The following CAMK2D variants were observed in gnomAD, a reference collection of about 807,000 sequenced individuals.
CAMK2D encodes calcium/calmodulin dependent protein kinase II delta.
In CAMK2D, 37 loss-of-function variants were observed where a neutral mutation model predicts 84.0. The observed-to-expected ratio is 0.44, with a 90% CI of 0.34 to 0.58. The LOEUF is 0.58. Ranked by LOEUF, CAMK2D falls within the 20% of genes least tolerant of loss-of-function variation. The pLI is 0.02. For synonymous variants in CAMK2D, 202 were observed against 212.5 expected (o/e 0.95, Z 0.43); for missense variants, 448 against 652.5 (o/e 0.69, Z 3.41).
chr4:113,613,114 A>C (rs1401697013), intron 3 of CAMK2D, among the ~76,000 whole-genome samples: 1 of 152,132 alleles, frequency 6.6e-6, no homozygotes. Context: ...AGATATAATA[A>C]AACTTATGTT....
intron 2 of CAMK2D, among the ~76,000 whole-genome samples, chr4:113,704,329 A>C (rs1486865724): frequency 1.3e-5 from 2 of 151,978 alleles, no homozygotes; most frequent in Non-Finnish European, 2.9e-5. Context: ...AAGCTATTTG[A>C]TTGTACTGGG....
At chr4:113,718,389 G>A (rs982811992) in intron 2 of CAMK2D, among the ~76,000 whole-genome samples, 4 of 152,126 alleles carry the variant, frequency 2.6e-5, no homozygotes, top group African/African-American at 9.7e-5. Context: ...CAATTCCTGG[G>A]TGGTGGCCAC....
chr4:113,489,003 AAT>A (rs1022144290), intron 16 of CAMK2D, among the ~76,000 whole-genome samples: 3 of 152,190 alleles, frequency 2.0e-5, no homozygotes, highest in African/African-American at 7.2e-5. Flanking sequence ...AAATAGAAGA[AAT>A]ATATAAAAAT....
At chr4:113,731,146 ATC>A (rs1243914488) in intron 2 of CAMK2D, among the ~76,000 whole-genome samples, 2 of 152,200 alleles carry the variant, frequency 1.3e-5, no homozygotes, top group Non-Finnish European at 2.9e-5. Context: ...TCTCCCATAA[ATC>A]TGCTTTCACT....
intron 2 of CAMK2D, among the ~76,000 whole-genome samples, chr4:113,709,251 T>C (rs1018225929): frequency 6.6e-6 from 1 of 152,192 alleles, no homozygotes; most frequent in African/African-American, 2.4e-5. Context: ...CAGAGAAATT[T>C]TACTTGTAAT....
At chr4:113,557,168 C>T (rs2098670698) in intron 4 of CAMK2D, among the ~76,000 whole-genome samples, 1 of 152,130 alleles carries the variant, frequency 6.6e-6, no homozygotes, top group African/African-American at 2.4e-5. Context: ...CTCACATGTA[C>T]CACTGCAATA....
intron 16 of CAMK2D, 134 bp from the exon 17 acceptor site, chr4:113,465,738 C>T (rs1371494057): frequency 9.7e-6 from 6 of 619,862 alleles, no homozygotes; most frequent in Non-Finnish European, 1.7e-5. Context: ...AATCACAGCT[C>T]CCTACAGCCT....
intron 13 of CAMK2D, chr4:113,508,404 G>A: frequency 1.5e-6 from 1 of 656,322 alleles, no homozygotes; most frequent in South Asian, 1.8e-5. Context: ...AAAAGTTCTG[G>A]AAATGCGTTC....
intron 4 of CAMK2D, among the ~76,000 whole-genome samples, chr4:113,581,340 C>T (rs779120494): frequency 4.0e-5 from 6 of 151,784 alleles, no homozygotes; most frequent in Non-Finnish European, 7.4e-5. Context: ...ATGGAGAAAG[C>T]GTGTCTCTAC....
intron 3 of CAMK2D, among the ~76,000 whole-genome samples, chr4:113,627,279 AT>A (rs1470282268): frequency 6.6e-6 from 1 of 152,162 alleles, no homozygotes; most frequent in Non-Finnish European, 1.5e-5. Context: ...TCATTTTTCC[AT>A]TACATTTCAC....
chr4:113,502,995 A>G lies in CAMK2D; in HGVS notation c.1045-18T>C. 8 of 1,583,890 alleles carry G rather than the reference A, an allele frequency of 5.1e-6. No individual in the cohort carries two copies. Among genetic ancestry groups the G allele is most frequent in the Non-Finnish European group, 6.9e-6 (8 of 1,152,500 alleles). On this transcript the variant is annotated intron_variant, in intron 14 of 20. Coordinates refer to ENST00000511664, the MANE Select transcript of CAMK2D (RefSeq NM_001321571.2). ...TGGGGCTCCTGAGTGAGAACAAAAT[A>G]GAGAAAGAAACAGTTCGCATTGGTA...
intron 2 of CAMK2D, among the ~76,000 whole-genome samples, chr4:113,742,298 A>T (rs2099594825): frequency 6.6e-6 from 1 of 152,212 alleles, no homozygotes; most frequent in Middle Eastern, 3.2e-3. Flanking sequence ...ACTTTTCCTT[A>T]TTAGATAAAA....
intron 4 of CAMK2D, among the ~76,000 whole-genome samples, chr4:113,561,432 C>T (rs1351125382): frequency 6.6e-6 from 1 of 152,170 alleles, no homozygotes; most frequent in Non-Finnish European, 1.5e-5. Flanking sequence ...TACGATCACA[C>T]CACTGCACTT....
At chr4:113,699,862 T>A (rs1435833782) in intron 2 of CAMK2D, among the ~76,000 whole-genome samples, 1 of 152,176 alleles carries the variant, frequency 6.6e-6, no homozygotes, top group Non-Finnish European at 1.5e-5. Flanking sequence ...AGTCATTCTT[T>A]TAGAAAACTA....
chr4:113,704,298 C>T (rs1209906439), intron 2 of CAMK2D, among the ~76,000 whole-genome samples: 2 of 151,702 alleles, frequency 1.3e-5, no homozygotes, highest in East Asian at 3.9e-4. Context: ...TTCCTTGTGC[C>T]TACTGAAATG....
chr4:113,644,684 G>A (rs1236564901), intron 3 of CAMK2D, among the ~76,000 whole-genome samples: 1 of 152,206 alleles, frequency 6.6e-6, no homozygotes, highest in Non-Finnish European at 1.5e-5. Flanking sequence ...CCAGAAATCA[G>A]AGTTGAAATG....
intron 2 of CAMK2D, among the ~76,000 whole-genome samples, chr4:113,711,923 G>C (rs1160418212): frequency 6.6e-6 from 1 of 151,920 alleles, no homozygotes; most frequent in Non-Finnish European, 1.5e-5. Flanking sequence ...TATTTTCCTA[G>C]GTAAAAAGAA....
chr4:113,451,248 T>C lies in CAMK2D; in HGVS notation c.*3297A>G, dbSNP rs2097255757. ...CTTCATTTGGTGTCTCTCAGCCTTC[T>C]GCTGAGACATTTGAGTCCGAGTATA... On this transcript the variant is annotated 3_prime_UTR_variant, in exon 21 of 21. Transcript: ENST00000511664. 1 of 152,232 alleles carries C rather than the reference T, an allele frequency of 6.6e-6. No individual in the cohort carries two copies. Among genetic ancestry groups the C allele is most frequent in the Non-Finnish European group, 1.5e-5 (1 of 68,036 alleles). The allele number at this position is 152,232 out of a possible 1,614,324, so 9.4% of individuals were successfully genotyped here.
intron 3 of CAMK2D, among the ~76,000 whole-genome samples, chr4:113,659,087 A>T (rs1359470298): frequency 1.3e-5 from 2 of 152,198 alleles, no homozygotes; most frequent in East Asian, 3.8e-4. Context: ...TGTCAAAATG[A>T]AAAGAGTTCT....
Sources: gnomAD v4.1 joint callset for allele counts (sites outside exome capture counted in the v4.1 genomes callset) on GRCh38, gnomAD v4.1.1 for gene constraint, MANE v1.5 for transcripts, NCBI Gene and HGNC (gene_info 2026-07-23, HGNC 2026-07-21) for gene names.